SUPT3H: variants seen among roughly 807,000 people sequenced by gnomAD.
SUPT3H encodes transcription initiation protein SPT3 homolog.
A neutral mutation model predicts 44.3 loss-of-function variants in SUPT3H; 44 were observed. The observed-to-expected ratio is 0.99, with a 90% confidence interval of 0.78 to 1.28. The LOEUF (loss-of-function observed/expected upper bound fraction) is 1.28. SUPT3H is among the 50% of genes most tolerant of loss of function. The pLI, the probability that SUPT3H is intolerant of heterozygous loss-of-function variation, is 0.00. For synonymous variants in SUPT3H, 124 were observed against 125.6 expected (o/e 0.99, Z 0.09); for missense variants, 380 against 387.1 (o/e 0.98, Z 0.15).
intron 11 of SUPT3H, among the ~76,000 whole-genome samples, chr6:44,816,894 TAAAAC>T (rs1221713204): frequency 7.8e-6 from 1 of 128,336 alleles, no homozygotes; most frequent in Non-Finnish European, 1.7e-5. Flanking sequence ...CACTACAAAA[TAAAAC>T]AACAACAAAA....
At chr6:45,002,509 C>G (rs1782139920) in intron 6 of SUPT3H, among the ~76,000 whole-genome samples, 1 of 151,934 alleles carries the variant, frequency 6.6e-6, no homozygotes, top group Non-Finnish European at 1.5e-5. Context: ...ACAATATTTG[C>G]TCTTTGTGTA....
At chr6:45,139,349 A>G (rs1446503428) in intron 2 of SUPT3H, among the ~76,000 whole-genome samples, 1 of 152,194 alleles carries the variant, frequency 6.6e-6, no homozygotes, top group Non-Finnish European at 1.5e-5. Flanking sequence ...TAAAAAATAT[A>G]TTTTCTTGAC....
chr6:45,370,927 T>A (rs528735145), intron 1 of SUPT3H, among the ~76,000 whole-genome samples: 2 of 152,186 alleles, frequency 1.3e-5, no homozygotes, highest in South Asian at 2.1e-4. Flanking sequence ...AAAAAAAAAA[T>A]TTCTTTGCAA....
intron 6 of SUPT3H, among the ~76,000 whole-genome samples, chr6:44,982,494 C>T (rs1779236589): frequency 2.0e-5 from 3 of 152,164 alleles, no homozygotes; most frequent in African/African-American, 7.2e-5. Context: ...GGATTACAGG[C>T]GTGAGCCACC....
chr6:44,954,798 A>G (rs1774868207), intron 7 of SUPT3H, among the ~76,000 whole-genome samples, 191 bp from the exon 8 acceptor site: 1 of 152,214 alleles, frequency 6.6e-6, no homozygotes, highest in Non-Finnish European at 1.5e-5. Context: ...TTATAAGGCA[A>G]CACAATGGTT....
At chr6:44,863,696 A>G (rs1364502598) in intron 10 of SUPT3H, among the ~76,000 whole-genome samples, 5 of 152,096 alleles carry the variant, frequency 3.3e-5, no homozygotes, top group Non-Finnish European at 5.9e-5. Flanking sequence ...CTGTATTTTC[A>G]TGCTGCTGAT....
rs115409335 is a variant in SUPT3H at position 45,360,829 on chromosome 6, C to T, written c.101+4372G>A. Among the ~76,000 whole-genome samples the T allele has an allele frequency of 2.3e-3, 353 of 152,308 alleles. 1 individual carries two copies. The highest frequency in any genetic ancestry group is 7.7e-3 in the African/African-American group (322 of 41,576). On this transcript the variant is annotated intron_variant, in intron 2 of 10. Transcript: ENST00000371459. The stretch of plus-strand genomic sequence containing the variant: ...GAACTACAGACCTAAACGTAGGTAG[C>T]TTATCCTCAGAAGAGTTCCTCATTC...
At chr6:45,309,111 A>G (rs1783570439) in intron 2 of SUPT3H, among the ~76,000 whole-genome samples, 2 of 151,792 alleles carry the variant, frequency 1.3e-5, no homozygotes, top group Admixed American at 6.6e-5. Context: ...AAGGATTATG[A>G]TAACACTGTG....
At chr6:44,868,114 CAT>C (rs1301858460) in intron 10 of SUPT3H, among the ~76,000 whole-genome samples, 1 of 152,158 alleles carries the variant, frequency 6.6e-6, no homozygotes, top group Non-Finnish European at 1.5e-5. Context: ...GTTTTAAACC[CAT>C]GTGTATTTCA....
chr6:45,356,321 C>T (rs1793167493), intron 2 of SUPT3H, among the ~76,000 whole-genome samples: 1 of 151,912 alleles, frequency 6.6e-6, no homozygotes, highest in Non-Finnish European at 1.5e-5. Flanking sequence ...ATATTAAAAA[C>T]ACACACACAT....
intron 2 of SUPT3H, among the ~76,000 whole-genome samples, chr6:45,245,664 A>T (rs972201540): frequency 2.0e-5 from 3 of 152,106 alleles, no homozygotes; most frequent in East Asian, 1.9e-4. Context: ...TAGGTACCAC[A>T]TTTTTTTATC....
At chr6:44,925,546 T>G (rs1175298264) in intron 10 of SUPT3H, among the ~76,000 whole-genome samples, 1 of 152,144 alleles carries the variant, frequency 6.6e-6, no homozygotes, top group Non-Finnish European at 1.5e-5. Flanking sequence ...CAAACACAGT[T>G]TCCTTTCTCT....
chr6:44,947,413 T>G (rs570408231), intron 9 of SUPT3H, among the ~76,000 whole-genome samples: 6 of 152,224 alleles, frequency 3.9e-5, no homozygotes, highest in Non-Finnish European at 7.4e-5. Flanking sequence ...TTTTCAGTAA[T>G]AAAAAGAGAT....
At chr6:45,241,911 C>T (rs956398524) in intron 2 of SUPT3H, among the ~76,000 whole-genome samples, 1 of 152,148 alleles carries the variant, frequency 6.6e-6, no homozygotes, top group Admixed American at 6.6e-5. Flanking sequence ...GGAAAGAACA[C>T]AAGGCAAGAA....
intron 10 of SUPT3H, among the ~76,000 whole-genome samples, chr6:44,857,772 T>G (rs1773983054): frequency 6.6e-6 from 1 of 152,170 alleles, no homozygotes; most frequent in African/African-American, 2.4e-5. Context: ...CTCGAACTAT[T>G]CAAATAGGCA....
At chr6:45,331,928 A>C (rs982812520) in intron 2 of SUPT3H, among the ~76,000 whole-genome samples, 1 of 152,018 alleles carries the variant, frequency 6.6e-6, no homozygotes, top group Non-Finnish European at 1.5e-5. Context: ...CCAGTTTGTT[A>C]AAAGAACACT....
intron 6 of SUPT3H, among the ~76,000 whole-genome samples, chr6:44,988,439 T>C (rs1321500690): frequency 2.0e-5 from 3 of 147,554 alleles, no homozygotes; most frequent in Non-Finnish European, 4.5e-5. Flanking sequence ...TATATATCTA[T>C]ATATTTTAAA....
At chr6:45,052,225 T>C (rs1382589679) in intron 3 of SUPT3H, among the ~76,000 whole-genome samples, 1 of 152,200 alleles carries the variant, frequency 6.6e-6, no homozygotes, top group Non-Finnish European at 1.5e-5. Flanking sequence ...GATAATTAAC[T>C]GGTGGAAAGA....
At chr6:44,984,853 T>C (rs1779563863) in intron 6 of SUPT3H, among the ~76,000 whole-genome samples, 1 of 152,142 alleles carries the variant, frequency 6.6e-6, no homozygotes, top group African/African-American at 2.4e-5. Context: ...CAAAGTCCTT[T>C]ACATAGTAGG....
Sources: gnomAD v4.1 joint callset for allele counts (sites outside exome capture counted in the v4.1 genomes callset) on GRCh38, gnomAD v4.1.1 for gene constraint, MANE v1.5 for transcripts, NCBI Gene and HGNC (gene_info 2026-07-23, HGNC 2026-07-21) for gene names.